Variants in ATP2B2 observed in about 807,000 individuals in gnomAD.
ATP2B2 encodes the protein ATPase plasma membrane Ca2+ transporting 2.
ATP2B2 carries 15 observed loss-of-function variants against 120.0 expected under a neutral mutation model. The observed-to-expected ratio is 0.12, with a 90% CI of 0.08 to 0.19. The LOEUF (loss-of-function observed/expected upper bound fraction) is 0.19, where lower values mean the gene tolerates loss of function less well. Ranked by LOEUF, ATP2B2 falls within the 10% of genes least tolerant of loss-of-function variation. The pLI, the probability that ATP2B2 is intolerant of heterozygous loss-of-function variation, is 1.00. For synonymous variants in ATP2B2, 694 were observed against 700.3 expected, an observed-to-expected ratio of 0.99 and a Z score of 0.14; for missense variants, 1,045 against 1,719.8, an observed-to-expected ratio of 0.61 and a Z score of 6.94.
intron 5 of ATP2B2, among the ~76,000 whole-genome samples, chr3:10,396,936 C>T (rs1456677482): frequency 6.6e-6 from 1 of 152,204 alleles, no homozygotes; most frequent in Non-Finnish European, 1.5e-5. Flanking sequence ...GTCCAGGCCT[C>T]ACCCAAGGAA....
At chr3:10,421,805 C>T (rs2062989369) in intron 2 of ATP2B2, among the ~76,000 whole-genome samples, 1 of 152,240 alleles carries the variant, frequency 6.6e-6, no homozygotes, top group African/African-American at 2.4e-5. Context: ...TTGCCTCTGA[C>T]TTGGCACATC....
At chr3:10,622,137 C>T (rs897717980) in intron 1 of ATP2B2, among the ~76,000 whole-genome samples, 3 of 152,160 alleles carry the variant, frequency 2.0e-5, no homozygotes, top group Non-Finnish European at 4.4e-5. Flanking sequence ...CCCTAGGCTC[C>T]CCTGGGCCCA....
chr3:10,566,835 A>G (rs982445744), intron 2 of ATP2B2, among the ~76,000 whole-genome samples: 10 of 152,194 alleles, frequency 6.6e-5, no homozygotes, highest in African/African-American at 2.2e-4. Context: ...TTTTCCATCA[A>G]TTTCCTTGAT....
intron 1 of ATP2B2, among the ~76,000 whole-genome samples, chr3:10,462,569 C>A (rs2064537558): frequency 1.3e-5 from 2 of 152,176 alleles, no homozygotes; most frequent in South Asian, 4.1e-4. Context: ...CCTCAACAAC[C>A]CCATGAGGTA....
chr3:10,401,700 C>T (rs1349951536), intron 4 of ATP2B2, among the ~76,000 whole-genome samples: 5 of 152,248 alleles, frequency 3.3e-5, no homozygotes, highest in Non-Finnish European at 7.3e-5. Flanking sequence ...CATCCATTAA[C>T]AGTCAAATCA....
chr3:10,668,166 C>T (rs1340361766), intron 1 of ATP2B2, among the ~76,000 whole-genome samples: 3 of 152,236 alleles, frequency 2.0e-5, no homozygotes, highest in Non-Finnish European at 4.4e-5. Context: ...CTCACAGAGG[C>T]TCACCAATGT....
rs769912544 is a variant in ATP2B2 at position 10,388,331 on chromosome 3, T to C, written c.853A>G (p.Ile285Val). 4 of 1,614,184 alleles carry C rather than the reference T, an allele frequency of 2.5e-6. No individual in the cohort carries two copies. The highest frequency in any genetic ancestry group is 3.4e-6 in the Non-Finnish European group (4 of 1,180,030). ...AVGVNSQTGI[I>V]FTLLGAGGEE... ...CCACCAGCCCCCAGGAGGGTAAAGA[T>C]GATGCCAGTCTGAGAGTTCACACCC... Residue 285 changes from isoleucine to valine, a missense_variant, in exon 6 of 23, where the codon ATC becomes GTC. Coordinates refer to ENST00000360273, the MANE Select transcript of ATP2B2 (RefSeq NM_001001331.4).
intron 5 of ATP2B2, among the ~76,000 whole-genome samples, chr3:10,395,790 T>A (rs2062016243): frequency 6.6e-6 from 1 of 152,242 alleles, no homozygotes; most frequent in Non-Finnish European, 1.5e-5. Flanking sequence ...TTCTGGCTCC[T>A]CTTGCAAAGT....
intron 1 of ATP2B2, among the ~76,000 whole-genome samples, chr3:10,631,773 T>C (rs1411054263): frequency 6.6e-6 from 1 of 152,198 alleles, no homozygotes; most frequent in Non-Finnish European, 1.5e-5. Flanking sequence ...TCAGAAATGC[T>C]TCCATATCAA....
Position 10,402,021 on chromosome 3 carries a change from A to G in ATP2B2, c.655+70T>C. 2.5e-6 allele frequency: 4 copies of G among 1,603,204 alleles called. No homozygotes were observed. The highest frequency in any genetic ancestry group is 3.4e-6 in the Non-Finnish European group (4 of 1,179,338). On this transcript the variant is annotated intron_variant, in intron 4 of 22. Coordinates refer to ENST00000360273, the MANE Select transcript of ATP2B2 (RefSeq NM_001001331.4). The surrounding 1 kb of genome is among the most constrained non-coding windows in gnomAD (Gnocchi z 4.9). ...CCCTTCCTTGAGCCAATCTCTTTGCATCAGCCTGGCCTGTCCCACCTCTGC... is the reference window on the plus strand; with the variant it reads ...CCCTTCCTTGAGCCAATCTCTTTGCGTCAGCCTGGCCTGTCCCACCTCTGC...
intron 3 of ATP2B2, among the ~76,000 whole-genome samples, chr3:10,410,224 T>C (rs545575610): frequency 6.6e-6 from 1 of 152,148 alleles, no homozygotes; most frequent in Non-Finnish European, 1.5e-5. Context: ...TAGTGGTGAT[T>C]TGTGGGAATT....
intron 1 of ATP2B2, among the ~76,000 whole-genome samples, chr3:10,636,735 T>A (rs1429029978): frequency 6.6e-6 from 1 of 152,180 alleles, no homozygotes; most frequent in Non-Finnish European, 1.5e-5. Flanking sequence ...TTCAAGGCCA[T>A]GGTTCAAACT....
At position 10,346,680 on chromosome 3, in the gene ATP2B2, A is replaced by T. The variant is rs2060441572; in HGVS notation, c.2405-543T>A. Among the ~76,000 whole-genome samples the T allele has an allele frequency of 6.6e-6, 1 of 152,154 alleles. No individual in the cohort carries two copies. Among genetic ancestry groups the T allele is most frequent in the Admixed American group, 6.5e-5 (1 of 15,286 alleles). On this transcript the variant is annotated intron_variant, in intron 16 of 22. Coordinates refer to ENST00000360273, the MANE Select transcript of ATP2B2 (RefSeq NM_001001331.4). The surrounding 1 kb of genome is among the most constrained non-coding windows in gnomAD (Gnocchi z 4.1). ...AATAAAACATTCAACGAATAACAGA[A>T]TGAACAAATGACATGTGGCCCCAGT...
chr3:10,660,485 C>A (rs552944278), intron 1 of ATP2B2, among the ~76,000 whole-genome samples: 1 of 152,298 alleles, frequency 6.6e-6, no homozygotes, highest in African/African-American at 2.4e-5. Context: ...CACAAATAAA[C>A]TAGAAAATCT....
chr3:10,656,194 A>C (rs1255966638), intron 1 of ATP2B2, among the ~76,000 whole-genome samples: 4 of 152,168 alleles, frequency 2.6e-5, no homozygotes, highest in African/African-American at 9.7e-5. Flanking sequence ...AAAGAGATGA[A>C]GGCCTTGATG....
At chr3:10,530,389 G>A (rs182730448) in intron 3 of ATP2B2, among the ~76,000 whole-genome samples, 3 of 152,342 alleles carry the variant, frequency 2.0e-5, no homozygotes, top group African/African-American at 7.2e-5. Flanking sequence ...CTGCACAGCC[G>A]GGACCTGCAC....
intron 1 of ATP2B2, among the ~76,000 whole-genome samples, chr3:10,670,149 C>G (rs761266007): frequency 6.6e-6 from 1 of 152,168 alleles, no homozygotes. Context: ...AATTAGGTTG[C>G]GTTAAGAGAG....
At chr3:10,609,062 T>C (rs745978077) in intron 2 of ATP2B2, among the ~76,000 whole-genome samples, 3 of 152,196 alleles carry the variant, frequency 2.0e-5, no homozygotes, top group Non-Finnish European at 2.9e-5. Flanking sequence ...CGCTGCTTCA[T>C]GGAATGAGCA....
intron 2 of ATP2B2, among the ~76,000 whole-genome samples, chr3:10,431,174 A>AATGACAACAATGTCATGACAACATGTC (rs2063303320): frequency 6.6e-6 from 1 of 152,218 alleles, no homozygotes; most frequent in East Asian, 1.9e-4. Flanking sequence ...ACATTGTTGA[A>AATGACAACAATGTCATGACAACATGTC]ATGACAACAA....
Sources: gnomAD v4.1 joint callset for allele counts (sites outside exome capture counted in the v4.1 genomes callset) on GRCh38, gnomAD v4.1.1 for gene constraint, Gnocchi (gnomAD v3.1) non-coding constraint, MANE v1.5 for transcripts, NCBI Gene and HGNC (gene_info 2026-07-23, HGNC 2026-07-21) for gene names.